Variants in CACNA1E observed in about 807,000 individuals in gnomAD.
CACNA1E encodes the protein calcium voltage-gated channel subunit alpha1 E, also known as voltage-dependent R-type calcium channel subunit alpha-1E.
A neutral mutation model predicts 259.2 loss-of-function variants in CACNA1E; 40 were observed. The observed-to-expected ratio is 0.15, with a 90% confidence interval of 0.12 to 0.20. The LOEUF is 0.20. Among genes scored for constraint, CACNA1E ranks in the 10% least tolerant of loss-of-function variants. CACNA1E has a pLI of 1.00. For synonymous variants in CACNA1E, 1,104 were observed against 1,138.5 expected (o/e 0.97, Z 0.61); for missense variants, 1,874 against 3,040.1 (o/e 0.62, Z 9.02).
intron 2 of CACNA1E, among the ~76,000 whole-genome samples, chr1:181,476,513 G>T (rs959777440): frequency 6.6e-6 from 1 of 152,156 alleles, no homozygotes; most frequent in African/African-American, 2.4e-5. Context: ...CTGTTACTGC[G>T]GCATTATCTT....
intron 16 of CACNA1E, among the ~76,000 whole-genome samples, chr1:181,723,481 T>C (rs1039927578): frequency 6.6e-6 from 1 of 152,168 alleles, no homozygotes; most frequent in African/African-American, 2.4e-5. Flanking sequence ...ATGCGTGGGT[T>C]TTTTTACTCA....
At chr1:181,527,531 T>A (rs1239609638) in intron 3 of CACNA1E, among the ~76,000 whole-genome samples, 1 of 152,224 alleles carries the variant, frequency 6.6e-6, no homozygotes, top group African/African-American at 2.4e-5. Context: ...TATAATTGAA[T>A]AGCTACACTC....
intron 7 of CACNA1E, among the ~76,000 whole-genome samples, chr1:181,696,929 A>G (rs537006411): frequency 1.3e-5 from 2 of 152,322 alleles, no homozygotes; most frequent in African/African-American, 4.8e-5. Flanking sequence ...TTGATAATAT[A>G]AGGGTAATGT....
chr1:181,693,128 C>CAAAACA (rs1651349980), intron 7 of CACNA1E, among the ~76,000 whole-genome samples: 1 of 97,848 alleles, frequency 1.0e-5, no homozygotes, highest in African/African-American at 3.9e-5. Context: ...CTATCTAAAG[C>CAAAACA]AAAAAAAAAA....
intron 2 of CACNA1E, among the ~76,000 whole-genome samples, chr1:181,444,671 C>T (rs1332777787): frequency 1.3e-5 from 2 of 152,184 alleles, no homozygotes; most frequent in Non-Finnish European, 2.9e-5. Flanking sequence ...ACTTGGGACC[C>T]TGCCCCTCCT....
At chr1:181,692,411 G>A (rs1651258585) in intron 7 of CACNA1E, among the ~76,000 whole-genome samples, 1 of 152,140 alleles carries the variant, frequency 6.6e-6, no homozygotes. Context: ...TATATTATAA[G>A]ACTACAGTAA....
intron 3 of CACNA1E, among the ~76,000 whole-genome samples, chr1:181,547,654 A>T (rs1237107072): frequency 6.6e-6 from 1 of 152,244 alleles, no homozygotes; most frequent in African/African-American, 2.4e-5. Flanking sequence ...TCTCGCCCAC[A>T]GCTGACTGGG....
chr1:181,331,599 G>T lies in CACNA1E; in HGVS notation c.-15+13476G>T, dbSNP rs185138861. On this transcript the variant is annotated intron_variant, in intron 1 of 11. Transcript: ENST00000524607. ...CCACCTATTCCACTCAGACTCACAC[G>T]CCAGTCTCCTTTGGAAACACCGTTA... Among the ~76,000 whole-genome samples, 12 of 152,166 alleles carry T rather than the reference G, an allele frequency of 7.9e-5. No individual in the cohort carries two copies. The East Asian group carries it at 2.1e-3, about 27-fold the overall frequency.
chr1:181,707,314 G>A (rs1487738756), intron 7 of CACNA1E, among the ~76,000 whole-genome samples: 1 of 152,180 alleles, frequency 6.6e-6, no homozygotes, highest in African/African-American at 2.4e-5. Context: ...CAAGAGGCTT[G>A]GCCAAATTGG....
intron 6 of CACNA1E, among the ~76,000 whole-genome samples, chr1:181,604,027 A>G (rs1258668235): frequency 9.2e-5 from 14 of 152,178 alleles, no homozygotes. Flanking sequence ...TGGCAGAGCT[A>G]GACAGCCATT....
chr1:181,548,119 CTTTTTTTTTCT>C (rs1417937246), intron 3 of CACNA1E, among the ~76,000 whole-genome samples: 1 of 11,134 alleles, frequency 9.0e-5, no homozygotes, highest in African/African-American at 1.1e-4. Context: ...TCCCATAACA[CTTTTTTTTTCT>C]TTTTTTTTTT....
intron 6 of CACNA1E, among the ~76,000 whole-genome samples, chr1:181,624,091 C>G (rs1179977385): frequency 1.3e-5 from 2 of 152,130 alleles, no homozygotes; most frequent in African/African-American, 4.8e-5. Context: ...GAGCAGGAAG[C>G]AAGAGAGTGG....
At chr1:181,439,441 C>T (rs1369814205) in intron 2 of CACNA1E, among the ~76,000 whole-genome samples, 1 of 151,714 alleles carries the variant, frequency 6.6e-6, no homozygotes, top group African/African-American at 2.4e-5. Flanking sequence ...CTTTTTTCTG[C>T]TCCCAAATTG....
intron 1 of CACNA1E, among the ~76,000 whole-genome samples, chr1:181,339,809 C>G (rs977794773): frequency 6.6e-6 from 1 of 152,058 alleles, no homozygotes; most frequent in African/African-American, 2.4e-5. Context: ...ATCCTTTGCA[C>G]AGTTTCCTAT....
intron 2 of CACNA1E, among the ~76,000 whole-genome samples, chr1:181,471,877 G>C (rs1458421269): frequency 6.6e-6 from 1 of 152,118 alleles, no homozygotes; most frequent in Non-Finnish European, 1.5e-5. Context: ...GTATCATTCT[G>C]TAAACTGGGT....
At chr1:181,639,505 AG>A (rs1222640977) in intron 6 of CACNA1E, among the ~76,000 whole-genome samples, 1 of 152,224 alleles carries the variant, frequency 6.6e-6, no homozygotes, top group Non-Finnish European at 1.5e-5. Context: ...ATGTCTTCTT[AG>A]TACTTCCAGA....
intron 45 of CACNA1E, 88 bp from the exon 46 acceptor site, chr1:181,794,776 A>C: frequency 8.0e-7 from 1 of 1,246,886 alleles, no homozygotes. Flanking sequence ...TGCCTTCCTT[A>C]ACGTCTCAGT....
At chr1:181,410,998 A>G (rs1474091217) in intron 1 of CACNA1E, among the ~76,000 whole-genome samples, 1 of 152,198 alleles carries the variant, frequency 6.6e-6, no homozygotes, top group Non-Finnish European at 1.5e-5. Context: ...ACCATCCAAC[A>G]CTGGTTGAAT....
At position 181,750,471 on chromosome 1, in the gene CACNA1E, C is replaced by T. The variant is rs770663399; in HGVS notation, c.3720-5C>T. On this transcript the variant is annotated splice_region_variant and splice_polypyrimidine_tract_variant and intron_variant, in intron 25 of 47. Transcript: ENST00000367573. ...TCTACTGCTCTCTGATTGGATCCTC[C>T]ATAGGAACGCTTTGGGGTAAATATG... The T allele has an allele frequency of 4.3e-6, 7 of 1,612,936 alleles. No individual in the cohort carries two copies. The East Asian group carries it at 6.7e-5, about 15-fold the overall frequency.
Sources: gnomAD v4.1 joint callset for allele counts (sites outside exome capture counted in the v4.1 genomes callset) on GRCh38, gnomAD v4.1.1 for gene constraint, MANE v1.5 for transcripts, NCBI Gene and HGNC (gene_info 2026-07-23, HGNC 2026-07-21) for gene names.